Variants in PALM2AKAP2 observed in about 807,000 individuals in gnomAD.
PALM2AKAP2 encodes PALM2 and AKAP2 fusion, also known as PALM2-AKAP2 fusion protein.
A neutral mutation model predicts 71.5 loss-of-function variants in PALM2AKAP2; 37 were observed. The observed-to-expected ratio is 0.52, with a 90% CI of 0.40 to 0.68. PALM2AKAP2 has a LOEUF of 0.68. PALM2AKAP2 is among the 30% of genes least tolerant of loss of function. The probability of loss-of-function intolerance (pLI) is 0.00; values close to 1 mark genes in which losing one functional copy is unlikely to be tolerated. For missense variants in PALM2AKAP2, 1,224 were observed against 1,191.8 expected (o/e 1.03, Z -0.40); for synonymous variants, 468 against 478.8 (o/e 0.98, Z 0.29).
At chr9:109,987,171 C>T (rs554660762) in intron 6 of PALM2AKAP2, among the ~76,000 whole-genome samples, 30 of 152,142 alleles carry the variant, frequency 2.0e-4, no homozygotes, top group African/African-American at 7.2e-4. Flanking sequence ...TGCTCTGTTG[C>T]CCAGGCTGGA....
At chr9:109,839,257 G>T (rs1564173288) in intron 1 of PALM2AKAP2, among the ~76,000 whole-genome samples, 1 of 152,096 alleles carries the variant, frequency 6.6e-6, no homozygotes, top group African/African-American at 2.4e-5. Flanking sequence ...ACGTAATCCA[G>T]CATATAAACA....
chr9:109,708,402 A>C (rs1439093469), intron 1 of PALM2AKAP2, among the ~76,000 whole-genome samples: 3 of 152,238 alleles, frequency 2.0e-5, no homozygotes, highest in African/African-American at 7.2e-5. Flanking sequence ...TATTTTCATC[A>C]TAAACCCCAA....
chr9:110,042,488 A>G (rs180937647), intron 7 of PALM2AKAP2, among the ~76,000 whole-genome samples: 71 of 152,326 alleles, frequency 4.7e-4, no homozygotes, highest in African/African-American at 1.6e-3. Context: ...TTAAGTAAGA[A>G]CCAGAGATCA....
intron 3 of PALM2AKAP2, among the ~76,000 whole-genome samples, chr9:109,881,876 CTTTTTTTTTTTTTTTTTT>C (rs565835467): frequency 1.1e-5 from 1 of 95,116 alleles, no homozygotes; most frequent in African/African-American, 3.6e-5. Context: ...CTTATGAGCT[CTTTTTTTTTTTTTTTTTT>C]TTTTTTTTTA....
At chr9:110,004,781 C>A (rs1020975111) in intron 6 of PALM2AKAP2, among the ~76,000 whole-genome samples, 8 of 152,122 alleles carry the variant, frequency 5.3e-5, no homozygotes, top group Non-Finnish European at 8.8e-5. Context: ...CATTCATTTG[C>A]TCTTCCATCA....
At chr9:109,743,835 C>A (rs1246212215) in intron 1 of PALM2AKAP2, among the ~76,000 whole-genome samples, 1 of 152,110 alleles carries the variant, frequency 6.6e-6, no homozygotes, top group Admixed American at 6.5e-5. Context: ...AACATCAGAG[C>A]CCAGCACACT....
At chr9:109,961,294 T>G (rs1289694747) in intron 6 of PALM2AKAP2, among the ~76,000 whole-genome samples, 1 of 152,234 alleles carries the variant, frequency 6.6e-6, no homozygotes, top group Non-Finnish European at 1.5e-5. Context: ...TGGACTTGAC[T>G]TCTAGGAACC....
exon 2 of PALM2AKAP2, chr9:110,136,606 C>A: frequency 6.2e-7 from 1 of 1,613,992 alleles, no homozygotes. Flanking sequence ...GCAGCCCTGA[C>A]CCCATGGCAG....
chr9:109,976,305 G>A (rs1255500190), intron 6 of PALM2AKAP2, among the ~76,000 whole-genome samples: 1 of 152,192 alleles, frequency 6.6e-6, no homozygotes, highest in Non-Finnish European at 1.5e-5. Context: ...CAATTTCATA[G>A]GTAAGAACAG....
At chr9:110,104,908 T>G (rs1015578164) in intron 1 of PALM2AKAP2, among the ~76,000 whole-genome samples, 8 of 152,232 alleles carry the variant, frequency 5.3e-5, no homozygotes, top group African/African-American at 1.9e-4. Flanking sequence ...GTGTGTCATA[T>G]GCATCCAGAG....
In PALM2AKAP2 at chr9:109,988,892, G is replaced by A. The variant is rs151189658; in HGVS notation, c.497-27062G>A. On this transcript the variant is annotated intron_variant, in intron 6 of 9. Transcript: ENST00000302798. The stretch of plus-strand genomic sequence containing the variant: ...GGGGGTGGTTTCCCCCACTGTTCTC[G>A]TGTTAGTGAATAAGTCTCACAAGAT... Among the ~76,000 whole-genome samples, 62 of 152,278 alleles carry A rather than the reference G, an allele frequency of 4.1e-4. No homozygotes were observed. The East Asian group carries it at 0.011, about 27-fold the overall frequency.
chr9:109,948,792 G>A (rs1282483932), intron 6 of PALM2AKAP2, among the ~76,000 whole-genome samples: 2 of 152,162 alleles, frequency 1.3e-5, no homozygotes, highest in East Asian at 3.8e-4. Flanking sequence ...ATTACAGGGT[G>A]GCTTTCTTTT....
chr9:110,138,601 C>A, intron 2 of PALM2AKAP2, 62 bp downstream of exon 8: 1 of 1,480,900 alleles, frequency 6.8e-7, no homozygotes, highest in Non-Finnish European at 8.9e-7. Context: ...TTGATTCCAG[C>A]TCATGGGTTT....
At chr9:110,130,017 T>G (rs183268163) in intron 1 of PALM2AKAP2, among the ~76,000 whole-genome samples, 18 of 152,332 alleles carry the variant, frequency 1.2e-4, no homozygotes, top group African/African-American at 3.1e-4. Context: ...TTTGAGTCTT[T>G]CCCGGGCCTT....
At chr9:110,127,889 C>G (rs1835649779) in intron 1 of PALM2AKAP2, 1 of 152,314 alleles carries the variant, frequency 6.6e-6, no homozygotes, top group Admixed American at 6.5e-5. Flanking sequence ...GGTACTCACT[C>G]CCTCCAAGTC....
intron 1 of PALM2AKAP2, among the ~76,000 whole-genome samples, chr9:109,830,851 G>A (rs945523315): frequency 1.3e-5 from 2 of 152,068 alleles, no homozygotes; most frequent in African/African-American, 4.8e-5. Context: ...CATTGACGAA[G>A]TCTACACTAG....
intron 7 of PALM2AKAP2, among the ~76,000 whole-genome samples, chr9:110,035,450 T>C (rs1280627271): frequency 1.4e-5 from 2 of 145,278 alleles, no homozygotes; most frequent in African/African-American, 5.0e-5. Flanking sequence ...ATGCGTATAA[T>C]ACAGATATAT....
intron 1 of PALM2AKAP2, among the ~76,000 whole-genome samples, chr9:109,682,764 C>T (rs551062083): frequency 1.1e-4 from 16 of 152,312 alleles, no homozygotes; most frequent in African/African-American, 2.4e-4. Context: ...ACGTCGTTGG[C>T]GAAGCATCCT....
intron 1 of PALM2AKAP2, among the ~76,000 whole-genome samples, chr9:109,761,709 T>G (rs1452790935): frequency 6.6e-6 from 1 of 152,356 alleles, no homozygotes; most frequent in Admixed American, 6.5e-5. Flanking sequence ...GAACTCATTC[T>G]TTTTTATGGC....
Sources: allele counts gnomAD v4.1 joint callset (sites outside exome capture counted in the v4.1 genomes callset), GRCh38; gene constraint gnomAD v4.1.1; transcripts MANE v1.5; gene names NCBI Gene and HGNC (gene_info 2026-07-23, HGNC 2026-07-21).